SLC5A4: variants seen among roughly 807,000 people sequenced by gnomAD.
The protein encoded by SLC5A4 is probable glucose sensor protein SLC5A4.
Under a neutral mutation model 70.3 loss-of-function variants are expected in SLC5A4, and 55 were observed. The observed-to-expected ratio is 0.78, with a 90% CI of 0.63 to 0.98. The LOEUF (loss-of-function observed/expected upper bound fraction) is 0.98, where lower values mean the gene tolerates loss of function less well. Ranked by LOEUF, SLC5A4 falls within the 50% of genes least tolerant of loss-of-function variation. The pLI is 0.00. For synonymous variants in SLC5A4, 268 were observed against 305.7 expected, an observed-to-expected ratio of 0.88 and a Z score of 1.29; for missense variants, 735 against 839.2, an observed-to-expected ratio of 0.88 and a Z score of 1.53.
At chr22:32,350,312 C>A in the SLC5A4 span, among the ~76,000 whole-genome samples, 2 of 152,150 alleles carry the variant, frequency 1.3e-5, no homozygotes, top group African/African-American at 4.8e-5. Flanking sequence ...TTCATGTACA[C>A]ATACAGTTAG....
At chr22:32,331,388 G>A in the SLC5A4 span, among the ~76,000 whole-genome samples, 1 of 152,072 alleles carries the variant, frequency 6.6e-6, no homozygotes, top group Admixed American at 6.5e-5. Context: ...GGGGGAAATG[G>A]CCGTGCTCTG....
At chr22:32,269,019 A>G in the SLC5A4 span, among the ~76,000 whole-genome samples, 1 of 152,016 alleles carries the variant, frequency 6.6e-6, no homozygotes, top group African/African-American at 2.4e-5. This position sits in a 1 kb window ranked among gnomAD's most constrained non-coding sequence, Gnocchi z 4.1. Flanking sequence ...CAGCCTCCTG[A>G]GTAGCTGGGA....
At chr22:32,347,598 C>T in the SLC5A4 span, among the ~76,000 whole-genome samples, 4 of 150,678 alleles carry the variant, frequency 2.7e-5, no homozygotes, top group East Asian at 2.0e-4. Context: ...AGCAAACTAT[C>T]GCAAGGACAG....
chr22:32,255,238 A>C lies in SLC5A4; in HGVS notation c.92T>G (p.Val31Gly). The change falls in exon 1 of 15, where the codon GTC (valine) becomes GGC (glycine). Residue 31 changes from valine (V) to glycine (G), a missense_variant. Coordinates refer to ENST00000266086, the MANE Select transcript of SLC5A4 (RefSeq NM_014227.3). ...DHIRNAADIS[V>G]IVIYFLVVMA... Reference sequence around the variant, plus strand: ...CACCACCAGAAAATAGATGACAATGACTGAGATGTCAGCAGCATTTCGGAT... The same window carrying C: ...CACCACCAGAAAATAGATGACAATGCCTGAGATGTCAGCAGCATTTCGGAT... 4 of 1,614,060 alleles carry C rather than the reference A, an allele frequency of 2.5e-6. No individual in the cohort carries two copies.
At chr22:32,290,113 G>A in the SLC5A4 span, among the ~76,000 whole-genome samples, 3,836 of 152,038 alleles carry the variant, frequency 0.025, 140 homozygotes, top group African/African-American at 0.087. Flanking sequence ...TTAAGTTCTG[G>A]GATGCATGTA....
the SLC5A4 span, among the ~76,000 whole-genome samples, chr22:32,263,232 C>T: frequency 2.0e-5 from 3 of 151,830 alleles, no homozygotes; most frequent in African/African-American, 4.8e-5. Context: ...TGGTCTCAAA[C>T]ACTGGGTTCA....
At chr22:32,339,881 A>T in the SLC5A4 span, among the ~76,000 whole-genome samples, 14 of 152,240 alleles carry the variant, frequency 9.2e-5, no homozygotes, top group Admixed American at 8.5e-4. Context: ...CCTGCGGGCC[A>T]GATCTCAGGT....
chr22:32,328,483 C>T, the SLC5A4 span, among the ~76,000 whole-genome samples: 1 of 152,268 alleles, frequency 6.6e-6, no homozygotes, highest in South Asian at 2.1e-4. Context: ...TTTGGGTGGT[C>T]AGCTGTCATG....
chr22:32,275,414 G>A, the SLC5A4 span, among the ~76,000 whole-genome samples: 21 of 152,178 alleles, frequency 1.4e-4, no homozygotes, highest in South Asian at 2.3e-3. Flanking sequence ...TCCCCTTCCT[G>A]TGTCCATGTG....
chr22:32,328,724 G>A, the SLC5A4 span, among the ~76,000 whole-genome samples: 71 of 152,342 alleles, frequency 4.7e-4, 1 homozygote, highest in Non-Finnish European at 7.6e-4. Context: ...CTCACAGAAA[G>A]AGTTAAACGC....
In SLC5A4 at chr22:32,253,991, G is replaced by C. The variant is rs1295542221; in HGVS notation, c.207+151C>G. 5.6e-6 allele frequency: 4 copies of C among 713,886 alleles called. No individual in the cohort carries two copies. The African/African-American group carries it at 6.9e-5, about 12-fold the overall frequency. The allele number at this position is 713,886 out of a possible 1,614,324, so 44.2% of individuals were successfully genotyped here. On this transcript the variant is annotated intron_variant, in intron 2 of 14. Transcript: ENST00000266086. ...AGAGATGGTTTCACCATGTTAGTCA[G>C]GCTGGTCTCGAACTCCTGACCTCAG...
chr22:32,271,861 G>A, the SLC5A4 span: 16 of 603,846 alleles, frequency 2.6e-5, no homozygotes, highest in Non-Finnish European at 4.5e-5. Context: ...TGTGCTGCAC[G>A]GTCCACTGTG....
chr22:32,311,295 A>G, the SLC5A4 span, among the ~76,000 whole-genome samples: 1 of 152,118 alleles, frequency 6.6e-6, no homozygotes, highest in Admixed American at 6.5e-5. Context: ...ATGGGCAGTC[A>G]GTGTGAGAAC....
intron 11 of SLC5A4, among the ~76,000 whole-genome samples, chr22:32,227,884 T>C (rs543743227): frequency 4.8e-4 from 73 of 150,678 alleles, no homozygotes; most frequent in African/African-American, 1.7e-3. Context: ...GGAGAATCGC[T>C]TGAACTCGGG....
chr22:32,305,404 A>G, the SLC5A4 span, among the ~76,000 whole-genome samples: 1 of 143,376 alleles, frequency 7.0e-6, no homozygotes, highest in African/African-American at 2.6e-5. Context: ...TGTGCCAGGA[A>G]AGATATATTT....
the SLC5A4 span, among the ~76,000 whole-genome samples, chr22:32,284,416 C>T: frequency 1.3e-5 from 2 of 152,212 alleles, no homozygotes; most frequent in Non-Finnish European, 2.9e-5. Flanking sequence ...GGTGTATCTG[C>T]TTCACATGGT....
At chr22:32,269,758 G>T in the SLC5A4 span, 4 of 655,452 alleles carry the variant, frequency 6.1e-6, no homozygotes, top group Non-Finnish European at 1.2e-5. This position sits in a 1 kb window ranked among gnomAD's most constrained non-coding sequence, Gnocchi z 4.1. Flanking sequence ...ACCCAGCTGG[G>T]TGTGTGAATC....
At chr22:32,271,749 C>A in the SLC5A4 span, 2 of 585,974 alleles carry the variant, frequency 3.4e-6, no homozygotes, top group South Asian at 3.4e-5. Flanking sequence ...GTCAACTGTC[C>A]CCGCGGCTTC....
chr22:32,339,219 C>T, the SLC5A4 span, among the ~76,000 whole-genome samples: 8 of 152,150 alleles, frequency 5.3e-5, no homozygotes, highest in Middle Eastern at 3.2e-3. Flanking sequence ...GGATCCGTAG[C>T]GGCTTTTCTT....
Sources: allele counts gnomAD v4.1 joint callset (sites outside exome capture counted in the v4.1 genomes callset), GRCh38; gene constraint gnomAD v4.1.1; non-coding constraint Gnocchi (gnomAD v3.1); transcripts MANE v1.5; gene names NCBI Gene and HGNC (gene_info 2026-07-23, HGNC 2026-07-21).